The following TANC2 variants were observed in gnomAD, a reference collection of about 807,000 sequenced individuals.
TANC2 encodes tetratricopeptide repeat, ankyrin repeat and coiled-coil containing 2.
TANC2 carries 26 observed loss-of-function variants against 210.5 expected under a neutral mutation model. The observed-to-expected ratio is 0.12, with a 90% CI of 0.09 to 0.17. TANC2 has a LOEUF of 0.17. TANC2 is among the 10% of genes least tolerant of loss of function. The pLI is 1.00. For missense variants in TANC2, 2,129 were observed against 2,608.9 expected (o/e 0.82, Z 4.01); for synonymous variants, 931 against 967.1 (o/e 0.96, Z 0.69).
intron 4 of TANC2, among the ~76,000 whole-genome samples, chr17:63,122,305 A>G (rs954259576): frequency 1.3e-5 from 2 of 152,242 alleles, no homozygotes; most frequent in Non-Finnish European, 2.9e-5. Flanking sequence ...CTGCAAAACC[A>G]TGTGGAACAA....
At position 63,312,764 on chromosome 17, in the gene TANC2, A is replaced by G. The variant is rs556447992; in HGVS notation, c.1160-1624A>G. Among the ~76,000 whole-genome samples the G allele has an allele frequency of 3.3e-3, 504 of 152,284 alleles. 4 individuals are homozygous for G. The highest frequency in any genetic ancestry group is 0.011 in the African/African-American group (468 of 41,560). ...AATAAATACAAGAGTAAATTTTGTT[A>G]CAGAAATGTGAATCAGGGAATTATA... On this transcript the variant is annotated intron_variant, in intron 9 of 27. Coordinates refer to ENST00000689528, the Ensembl canonical transcript of TANC2.
chr17:63,338,538 A>T (rs2046114692), intron 11 of TANC2, among the ~76,000 whole-genome samples: 1 of 152,160 alleles, frequency 6.6e-6, no homozygotes, highest in African/African-American at 2.4e-5. Context: ...TCAAGTGGAG[A>T]TTTGTACCCA....
At chr17:63,255,285 G>A (rs1022255006) in intron 8 of TANC2, among the ~76,000 whole-genome samples, 1 of 151,788 alleles carries the variant, frequency 6.6e-6, no homozygotes, top group African/African-American at 2.4e-5. Flanking sequence ...GTAGAGACGA[G>A]GTTTCACCAT....
chr17:63,378,388 T>C lies in TANC2; in HGVS notation c.2583-1330T>C, dbSNP rs970041133. Among the ~76,000 whole-genome samples the C allele has an allele frequency of 2.3e-4, 35 of 152,048 alleles. 1 individual carries two copies. Among genetic ancestry groups the C allele is most frequent in the African/African-American group, 8.2e-4 (34 of 41,372 alleles). On this transcript the variant is annotated intron_variant, in intron 14 of 27. Coordinates refer to ENST00000689528, the Ensembl canonical transcript of TANC2. ...TAAAATAAGTGTATCATTAGGATGC[T>C]TTGAGCTGGAAAAAAAAAACAAAAT...
chr17:62,966,464 C>T lies in TANC2; in HGVS notation c.-309C>T, dbSNP rs1288018486. On this transcript the variant is annotated 5_prime_UTR_variant, in exon 1 of 28. Transcript: ENST00000689528. The surrounding 1 kb of genome is among the most constrained non-coding windows in gnomAD (Gnocchi z 5.1). ...CATCCCCCTCGCGCTCACCTCCCGG[C>T]TGTGCCGCGCGCTAGGCGGAGCGAG... Among the ~76,000 whole-genome samples, 1 of 148,452 alleles carries T rather than the reference C, an allele frequency of 6.7e-6. No homozygotes were observed. Among genetic ancestry groups the T allele is most frequent in the African/African-American group, 2.4e-5 (1 of 41,050 alleles).
At chr17:62,992,971 G>A (rs1267413378) in intron 1 of TANC2, among the ~76,000 whole-genome samples, 1 of 152,196 alleles carries the variant, frequency 6.6e-6, no homozygotes, top group African/African-American at 2.4e-5. Context: ...GAGAGAATCT[G>A]TTTTTTACCT....
intron 11 of TANC2, 45 bp downstream of exon 11, chr17:63,319,135 A>C: frequency 3.2e-6 from 5 of 1,573,100 alleles, no homozygotes; most frequent in Non-Finnish European, 4.3e-6. Context: ...TTCCATTTTA[A>C]TATCAAGGAA....
At chr17:63,131,347 C>G (rs1481580496) in intron 4 of TANC2, among the ~76,000 whole-genome samples, 1 of 152,170 alleles carries the variant, frequency 6.6e-6, no homozygotes, top group Non-Finnish European at 1.5e-5. Flanking sequence ...TTCTGAGGCT[C>G]TGCTGCTGCA....
chr17:63,264,800 T>C (rs1445118058), intron 8 of TANC2, among the ~76,000 whole-genome samples: 1 of 151,992 alleles, frequency 6.6e-6, no homozygotes, highest in Non-Finnish European at 1.5e-5. Flanking sequence ...CAAATAGTAA[T>C]TTTAAAAAAT....
At chr17:63,132,401 C>G (rs1172492428) in intron 4 of TANC2, among the ~76,000 whole-genome samples, 1 of 152,116 alleles carries the variant, frequency 6.6e-6, no homozygotes, top group East Asian at 1.9e-4. Flanking sequence ...ATAGAACACC[C>G]TCTTGCTACC....
chr17:63,311,747 G>T (rs1337976054), intron 9 of TANC2, among the ~76,000 whole-genome samples: 2 of 152,082 alleles, frequency 1.3e-5, no homozygotes, highest in African/African-American at 2.4e-5. Context: ...TTTATTAACT[G>T]ATAAACAAAA....
chr17:63,171,325 C>T lies in TANC2; in HGVS notation c.433+19945C>T, dbSNP rs140629417. ...CTTGAACTCCTGACCTCATGTGATC[C>T]GCCTGCCTCCGCCTCCCAAAGTGCT... On this transcript the variant is annotated intron_variant, in intron 5 of 27. Coordinates refer to ENST00000689528, the Ensembl canonical transcript of TANC2. Among the ~76,000 whole-genome samples the T allele has an allele frequency of 3.1e-3, 476 of 152,088 alleles. 4 individuals are homozygous for T. Among genetic ancestry groups the T allele is most frequent in the African/African-American group, 0.011 (436 of 41,478 alleles).
intron 9 of TANC2, among the ~76,000 whole-genome samples, chr17:63,283,189 G>A (rs1383477061): frequency 6.6e-6 from 1 of 151,776 alleles, no homozygotes; most frequent in Non-Finnish European, 1.5e-5. Context: ...GGGAAGATAC[G>A]GATACCTAGT....
Position 63,412,722 on chromosome 17 carries a change from G to A in TANC2, c.3928+13G>A, listed in dbSNP as rs1274697228. ...AGTCGCCCACGAGGTATATTTCACC[G>A]CTGTCAGCATCAGGCGTGGTCTGAT... On this transcript the variant is annotated intron_variant, in intron 24 of 27. Transcript: ENST00000689528. This position sits in a 1 kb window ranked among gnomAD's most constrained non-coding sequence, Gnocchi z 4.2. 19 of 1,534,552 alleles carry A rather than the reference G, an allele frequency of 1.2e-5. 1 individual carries two copies. Among genetic ancestry groups the A allele is most frequent in the Admixed American group, 9.9e-5 (5 of 50,720 alleles).
chr17:63,340,064 T>A (rs774549751), intron 11 of TANC2, 37 bp from the exon 12 acceptor site: 1 of 1,491,344 alleles, frequency 6.7e-7, no homozygotes, highest in African/African-American at 1.4e-5. Context: ...CTCTTACTAC[T>A]GATAAGCCTG....
intron 1 of TANC2, among the ~76,000 whole-genome samples, chr17:62,978,306 T>C (rs935528573): frequency 6.6e-6 from 1 of 152,246 alleles, no homozygotes; most frequent in African/African-American, 2.4e-5. Flanking sequence ...CATTCTGAGA[T>C]AAAAACTACA....
At chr17:63,425,540 G>A (rs1328778951) in exon 28 of TANC2, 1 of 152,218 alleles carries the variant, frequency 6.6e-6, no homozygotes, top group East Asian at 1.9e-4. Flanking sequence ...TGGGCTATGT[G>A]GATGTCACTT....
At position 63,406,284 on chromosome 17, in the gene TANC2, C is replaced by T. The variant is rs899892155; in HGVS notation, c.3589+7C>T. The T allele has an allele frequency of 6.2e-7, 1 of 1,612,854 alleles. No individual in the cohort carries two copies. The highest frequency in any genetic ancestry group is 1.3e-5 in the African/African-American group (1 of 74,886). ...GACTTTCTGCTTGCACAAGGTTAGT[C>T]TTGGAATGCTAGAGCTGGCTGGCCA... On this transcript the variant is annotated splice_region_variant and intron_variant, in intron 21 of 27. Transcript: ENST00000689528.
intron 8 of TANC2, among the ~76,000 whole-genome samples, chr17:63,242,996 G>A (rs1360830208): frequency 1.3e-5 from 2 of 152,176 alleles, no homozygotes; most frequent in African/African-American, 4.8e-5. Flanking sequence ...GTGCCCTGTG[G>A]GAATTAGGGC....
Sources: gnomAD v4.1 joint callset for allele counts (sites outside exome capture counted in the v4.1 genomes callset) on GRCh38, gnomAD v4.1.1 for gene constraint, Gnocchi (gnomAD v3.1) non-coding constraint, MANE v1.5 for transcripts, NCBI Gene and HGNC (gene_info 2026-07-23, HGNC 2026-07-21) for gene names.